KCTD8: variants seen among roughly 807,000 people sequenced by gnomAD.
KCTD8 encodes potassium channel tetramerization domain containing 8.
KCTD8 carries 27 observed loss-of-function variants against 31.5 expected under a neutral mutation model. The ratio of observed to expected loss-of-function variants is 0.86; its 90% CI spans 0.63 to 1.18. The LOEUF is 1.18. KCTD8 is among the 50% of genes most tolerant of loss of function. The pLI is 0.00. For synonymous variants in KCTD8, 290 were observed against 280.0 expected, an observed-to-expected ratio of 1.04 and a Z score of -0.36; for missense variants, 658 against 647.7, an observed-to-expected ratio of 1.02 and a Z score of -0.17.
At chr4:44,420,361 A>T (rs1447109057) in intron 1 of KCTD8, among the ~76,000 whole-genome samples, 1 of 152,160 alleles carries the variant, frequency 6.6e-6, no homozygotes, top group Non-Finnish European at 1.5e-5. Flanking sequence ...GTAAGCAATA[A>T]CTTATTTGGT....
intron 1 of KCTD8, among the ~76,000 whole-genome samples, chr4:44,244,527 C>T (rs933122668): frequency 6.6e-6 from 1 of 152,100 alleles, no homozygotes; most frequent in Non-Finnish European, 1.5e-5. Context: ...TCTTCTTCCC[C>T]AAGGTGGTTC....
At chr4:44,195,556 T>C (rs1713913627) in intron 1 of KCTD8, among the ~76,000 whole-genome samples, 1 of 152,226 alleles carries the variant, frequency 6.6e-6, no homozygotes, top group Non-Finnish European at 1.5e-5. Context: ...TTGTTTTTTA[T>C]TGGTTTCGTT....
At chr4:44,189,051 A>G (rs1713679950) in intron 1 of KCTD8, among the ~76,000 whole-genome samples, 1 of 152,224 alleles carries the variant, frequency 6.6e-6, no homozygotes, top group South Asian at 2.1e-4. Context: ...ATAAGTGAAC[A>G]TAATATTGTC....
intron 1 of KCTD8, among the ~76,000 whole-genome samples, chr4:44,362,546 C>T (rs1029943547): frequency 9.2e-5 from 14 of 151,840 alleles, no homozygotes; most frequent in South Asian, 2.1e-4. Flanking sequence ...GTAGAATGTA[C>T]GGCAAAACAG....
chr4:44,448,769 G>C lies in KCTD8; in HGVS notation c.-246C>G. On this transcript the variant is annotated 5_prime_UTR_variant, in exon 1 of 2. Transcript: ENST00000360029. The surrounding 1 kb of genome is among the most constrained non-coding windows in gnomAD (Gnocchi z 4.1). ...TGCGGCGGCGGCAATGGAGAGGCAA[G>C]AAGGAGCTGCTGCTCCTTTGGGGCG... 2.7e-6 allele frequency: 1 copy of C among 369,378 alleles called. No individual in the cohort carries two copies. Among genetic ancestry groups the C allele is most frequent in the Non-Finnish European group, 4.8e-6 (1 of 208,982 alleles). The allele number at this position is 369,378 out of a possible 1,614,324, so 22.9% of individuals were successfully genotyped here. A position where few individuals can be genotyped will look rare whatever the true frequency, so the allele number is the denominator to read the frequency against.
intron 1 of KCTD8, among the ~76,000 whole-genome samples, chr4:44,240,696 C>A (rs567548175): frequency 1.1e-4 from 16 of 152,204 alleles, no homozygotes; most frequent in Admixed American, 3.3e-4. Flanking sequence ...AGGGCTGTGA[C>A]AGGAATCAAG....
At chr4:44,268,991 A>T (rs1278542241) in intron 1 of KCTD8, among the ~76,000 whole-genome samples, 1 of 152,210 alleles carries the variant, frequency 6.6e-6, no homozygotes, top group Non-Finnish European at 1.5e-5. Context: ...ATTCAATGCC[A>T]TCCCCATCAA....
At chr4:44,194,815 C>CCCTTCCTTCCTT (rs1167841653) in intron 1 of KCTD8, among the ~76,000 whole-genome samples, 42 of 94,756 alleles carry the variant, frequency 4.4e-4, no homozygotes, top group African/African-American at 2.1e-3. Flanking sequence ...CTCCCTCCCT[C>CCCTTCCTTCCTT]CCTTCCTTCC....
chr4:44,323,505 C>CCA (rs1560426260), intron 1 of KCTD8, among the ~76,000 whole-genome samples: 3 of 132,658 alleles, frequency 2.3e-5, no homozygotes, highest in Non-Finnish European at 4.8e-5. Flanking sequence ...CACCCACCCC[C>CCA]CCCCAAAAAA....
chr4:44,341,046 T>C (rs564670164), intron 1 of KCTD8, among the ~76,000 whole-genome samples: 3 of 152,238 alleles, frequency 2.0e-5, no homozygotes, highest in Non-Finnish European at 2.9e-5. Context: ...CTTGGAGATA[T>C]TGTGGGTTTG....
intron 1 of KCTD8, among the ~76,000 whole-genome samples, chr4:44,385,862 T>TA (rs1055217016): frequency 2.0e-5 from 3 of 151,382 alleles, no homozygotes; most frequent in Non-Finnish European, 3.0e-5. Context: ...AAACAACTAT[T>TA]AAAAAAACTT....
chr4:44,375,971 T>C (rs1224440499), intron 1 of KCTD8, among the ~76,000 whole-genome samples: 1 of 152,132 alleles, frequency 6.6e-6, no homozygotes, highest in Non-Finnish European at 1.5e-5. Context: ...ATTCATTTTC[T>C]TCTATATCCT....
chr4:44,366,640 C>T (rs966299975), intron 1 of KCTD8, among the ~76,000 whole-genome samples: 3 of 151,336 alleles, frequency 2.0e-5, no homozygotes, highest in African/African-American at 4.8e-5. Context: ...TGTAGCCATG[C>T]GGATTAGCCT....
chr4:44,318,618 T>C (rs1718207275), intron 1 of KCTD8, among the ~76,000 whole-genome samples: 1 of 152,184 alleles, frequency 6.6e-6, no homozygotes, highest in Non-Finnish European at 1.5e-5. Context: ...GGAGATAGGT[T>C]AACTGACATA....
chr4:44,315,349 A>G (rs187211015), intron 1 of KCTD8, among the ~76,000 whole-genome samples: 111 of 152,156 alleles, frequency 7.3e-4, no homozygotes, highest in Non-Finnish European at 1.3e-3. Flanking sequence ...GTAAATACGC[A>G]TCCTAAAGAG....
At chr4:44,269,111 G>A in intron 1 of KCTD8, among the ~76,000 whole-genome samples, 1 of 152,098 alleles carries the variant, frequency 6.6e-6, no homozygotes, top group Admixed American at 6.5e-5. Flanking sequence ...GAACAAAGCT[G>A]GAGGCATCAT....
intron 1 of KCTD8, among the ~76,000 whole-genome samples, chr4:44,411,227 A>G (rs1313965943): frequency 6.6e-6 from 1 of 152,094 alleles, no homozygotes; most frequent in African/African-American, 2.4e-5. Context: ...TACAAAAAGT[A>G]GTTAACCAGG....
At chr4:44,236,295 G>A (rs958133731) in intron 1 of KCTD8, among the ~76,000 whole-genome samples, 2 of 152,170 alleles carry the variant, frequency 1.3e-5, no homozygotes, top group Admixed American at 6.5e-5. Context: ...TTGCACACAA[G>A]GGCAGCCTTC....
intron 1 of KCTD8, among the ~76,000 whole-genome samples, chr4:44,295,439 T>C (rs561252018): frequency 6.6e-6 from 1 of 152,302 alleles, no homozygotes; most frequent in African/African-American, 2.4e-5. Context: ...GAGCCCCTTT[T>C]TCAGGCTCTT....
Sources: allele counts gnomAD v4.1 joint callset (sites outside exome capture counted in the v4.1 genomes callset), GRCh38; gene constraint gnomAD v4.1.1; non-coding constraint Gnocchi (gnomAD v3.1); transcripts MANE v1.5; gene names NCBI Gene and HGNC (gene_info 2026-07-23, HGNC 2026-07-21).